AR: variants seen among roughly 807,000 people sequenced by gnomAD.
AR encodes androgen receptor.
AR carries 8 observed loss-of-function variants against 53.9 expected under a neutral mutation model. The ratio of observed to expected loss-of-function variants is 0.15; its 90% confidence interval spans 0.09 to 0.27. The LOEUF is 0.27. Ranked by LOEUF, AR falls within the 10% of genes least tolerant of loss-of-function variation. The probability of loss-of-function intolerance (pLI) is 1.00; values close to 1 mark genes in which losing one functional copy is unlikely to be tolerated. For missense variants in AR, 639 were observed against 742.5 expected, an observed-to-expected ratio of 0.86 and a Z score of 1.62; for synonymous variants, 359 against 316.4, an observed-to-expected ratio of 1.13 and a Z score of -1.43.
chrX:67,728,144 T>A lies in AR; in HGVS notation c.*4303T>A, dbSNP rs1455309078. On this transcript the variant is annotated 3_prime_UTR_variant, in exon 8 of 8. Coordinates refer to ENST00000374690, the MANE Select transcript of AR (RefSeq NM_000044.6). ...GCTGTCCAAAGACAGACTAAAGGAC[T>A]CTGCTGGTGACTGACTTATAAGAGC... 6.0e-6 allele frequency: 1 copy of A among 166,380 alleles called. No homozygotes were observed. Among genetic ancestry groups the A allele is most frequent in the African/African-American group, 3.1e-5 (1 of 32,649 alleles). 13.7% of individuals were successfully genotyped at this position (166,380 alleles called of 1,213,427 possible). A position where few individuals can be genotyped will look rare whatever the true frequency, so the allele number is the denominator to read the frequency against.
At chrX:67,661,903 T>A (rs1482955492) in intron 2 of AR, among the ~76,000 whole-genome samples, 1 of 111,853 alleles carries the variant, frequency 8.9e-6, no homozygotes, top group African/African-American at 3.3e-5. Flanking sequence ...TTCAACTTCT[T>A]CCTGGTTTAG....
rs1299313221 is a variant in AR at position 67,546,581 on chromosome X, G to A, written c.1435G>A (p.Ala479Thr). 21 of 1,128,937 alleles carry A rather than the reference G, an allele frequency of 1.9e-5. No homozygotes were observed. Among genetic ancestry groups the A allele is most frequent in the Non-Finnish European group, 2.3e-5 (20 of 853,033 alleles). 93.0% of individuals were successfully genotyped at this position (1,128,937 alleles called of 1,213,427 possible). Residue 479 changes from alanine to threonine, a missense_variant, in exon 1 of 8, where the codon GCC becomes ACC. Physicochemically the swap from Ala to Thr is moderately conservative, Grantham distance 58. This residue lies in a region of AR where 423 missense variants were observed against 377.0 expected (regional missense o/e 1.12). Transcript: ENST00000374690. ...CGGCGGCGGCGAGGCGGGAGCTGTAGCCCCCTACGGCTACACTCGGCCCCC... is the reference window on the plus strand; with the variant it reads ...CGGCGGCGGCGAGGCGGGAGCTGTAACCCCCTACGGCTACACTCGGCCCCC... ...GGGGGEAGAV[A>T]PYGYTRPPQG...
At chrX:67,648,539 T>C (rs988972189) in intron 2 of AR, among the ~76,000 whole-genome samples, 1 of 111,405 alleles carries the variant, frequency 9.0e-6, no homozygotes, top group Non-Finnish European at 1.9e-5. Flanking sequence ...CTCACCGGCT[T>C]AATTCTGGGC....
chrX:67,722,243 G>A (rs1429420264), intron 6 of AR: 10 of 318,066 alleles, frequency 3.1e-5, no homozygotes, highest in South Asian at 8.9e-5. Context: ...ACTGGTTACA[G>A]CAGGTCTCTG....
At chrX:67,607,277 C>T (rs1233422250) in intron 1 of AR, among the ~76,000 whole-genome samples, 1 of 111,435 alleles carries the variant, frequency 9.0e-6, no homozygotes, top group Non-Finnish European at 1.9e-5. Flanking sequence ...ATCCTCCCAC[C>T]TCGGCCTCCC....
At chrX:67,608,810 C>T (rs769874409) in intron 1 of AR, among the ~76,000 whole-genome samples, 42 of 111,437 alleles carry the variant, frequency 3.8e-4, no homozygotes, top group South Asian at 1.1e-3. Context: ...TTATATTAAA[C>T]ATGGTTTTAA....
rs1415019767 is a variant in AR, at chrX:67,725,592, T to C, written c.*1751T>C. The C allele has an allele frequency of 5.8e-6, 1 of 173,848 alleles. No homozygotes were observed. The highest frequency in any genetic ancestry group is 1.1e-5 in the Non-Finnish European group (1 of 91,388). 14.3% of individuals were successfully genotyped at this position (173,848 alleles called of 1,213,427 possible). On this transcript the variant is annotated 3_prime_UTR_variant, in exon 8 of 8. Coordinates refer to ENST00000374690, the MANE Select transcript of AR (RefSeq NM_000044.6). Reference sequence around the variant, plus strand: ...AAAGAGGAGACTCTGACTACTGAATTAAAATCTTCAGCGGCAAAGCCTAAA... The same window carrying C: ...AAAGAGGAGACTCTGACTACTGAATCAAAATCTTCAGCGGCAAAGCCTAAA...
intron 1 of AR, among the ~76,000 whole-genome samples, chrX:67,589,969 G>A (rs1490766600): frequency 8.9e-6 from 1 of 112,145 alleles, no homozygotes; most frequent in Non-Finnish European, 1.9e-5. Context: ...AGAGAAACCT[G>A]AAGACTTGAA....
chrX:67,598,633 C>G (rs1274295309), intron 1 of AR, among the ~76,000 whole-genome samples: 1 of 110,973 alleles, frequency 9.0e-6, no homozygotes, highest in Non-Finnish European at 1.9e-5. Context: ...TTGTTTGGCT[C>G]TTTGCTTAAT....
chrX:67,623,036 G>C (rs970537062), intron 1 of AR, among the ~76,000 whole-genome samples: 36 of 111,352 alleles, frequency 3.2e-4, no homozygotes, highest in African/African-American at 1.2e-3. Context: ...ATGAAAAGTA[G>C]GAGTGACCTG....
In AR at chrX:67,694,487, C is replaced by T. The variant is rs1190994968; in HGVS notation, c.1885+8361C>T. Reference sequence around the variant, plus strand: ...AACAATTTTCCATTTCCCCATCTCACTTCTGTCTTACAAGTGGATAGGAAA... The same window carrying T: ...AACAATTTTCCATTTCCCCATCTCATTTCTGTCTTACAAGTGGATAGGAAA... On this transcript the variant is annotated intron_variant, in intron 3 of 7. Coordinates refer to ENST00000374690, the MANE Select transcript of AR (RefSeq NM_000044.6). Among the ~76,000 whole-genome samples, 4 of 110,616 alleles carry T rather than the reference C, an allele frequency of 3.6e-5. No homozygotes were observed. The Admixed American group carries it at 3.9e-4, about 11-fold the overall frequency.
At chrX:67,646,731 G>A (rs770953939) in intron 2 of AR, among the ~76,000 whole-genome samples, 5 of 110,933 alleles carry the variant, frequency 4.5e-5, no homozygotes, top group South Asian at 7.8e-4. Context: ...GTAAAACAAC[G>A]GACTTGAACT....
At chrX:67,594,196 G>T (rs957401926) in intron 1 of AR, among the ~76,000 whole-genome samples, 1 of 111,762 alleles carries the variant, frequency 8.9e-6, no homozygotes, top group Non-Finnish European at 1.9e-5. Flanking sequence ...GTCTCACTAT[G>T]TTGCCCTGGC....
At chrX:67,643,198 C>G (rs1471925899) in intron 1 of AR, 58 bp from the exon 2 acceptor site, 1 of 1,185,869 alleles carries the variant, frequency 8.4e-7, no homozygotes, top group African/African-American at 1.8e-5. Flanking sequence ...TGAGACTTCA[C>G]TTGCCTATTT....
chrX:67,716,333 C>T (rs1216315648), intron 4 of AR, among the ~76,000 whole-genome samples: 1 of 111,897 alleles, frequency 8.9e-6, no homozygotes, highest in Non-Finnish European at 1.9e-5. Context: ...AATCTTTAAG[C>T]CTTCTTCTTG....
chrX:67,693,187 T>A (rs2147505919), intron 3 of AR, among the ~76,000 whole-genome samples: 1 of 112,698 alleles, frequency 8.9e-6, no homozygotes, highest in South Asian at 3.7e-4. Context: ...TACCTCCTTG[T>A]AAAATTTATA....
In AR at chrX:67,681,000, T is replaced by C. The variant is rs930916843; in HGVS notation, c.1769-5010T>C. The stretch of plus-strand genomic sequence containing the variant: ...TCATGCCAGCCCATTTTATGACTAT[T>C]TAGGTAGTCAAGGGTTTAAGATTTT... On this transcript the variant is annotated intron_variant, in intron 2 of 7. Coordinates refer to ENST00000374690, the MANE Select transcript of AR (RefSeq NM_000044.6). The C allele has an allele frequency of 3.1e-5, 6 of 193,259 alleles. No individual in the cohort carries two copies. The Admixed American group carries it at 4.0e-4, about 13-fold the overall frequency. The allele number at this position is 193,259 out of a possible 1,213,427, so 15.9% of individuals were successfully genotyped here.
At chrX:67,672,349 T>C (rs2075870813) in intron 2 of AR, among the ~76,000 whole-genome samples, 1 of 111,514 alleles carries the variant, frequency 9.0e-6, no homozygotes, top group African/African-American at 3.3e-5. Flanking sequence ...TTCAGCGTTA[T>C]GATTGATAAC....
chrX:67,684,179 A>G (rs1359757977), intron 2 of AR, among the ~76,000 whole-genome samples: 3 of 111,943 alleles, frequency 2.7e-5, no homozygotes, highest in African/African-American at 9.7e-5. Flanking sequence ...TTGGAATTGA[A>G]CGCACTAGAA....
Sources: allele counts gnomAD v4.1 joint callset (sites outside exome capture counted in the v4.1 genomes callset), GRCh38; gene constraint gnomAD v4.1.1; regional missense constraint gnomAD v4.1.1; transcripts MANE v1.5; gene names NCBI Gene and HGNC (gene_info 2026-07-23, HGNC 2026-07-21).